The following TSNARE1 variants were observed in gnomAD, a reference collection of about 807,000 sequenced individuals.
TSNARE1 encodes the protein t-SNARE domain containing 1, also known as t-SNARE domain-containing protein 1.
A neutral mutation model predicts 62.0 loss-of-function variants in TSNARE1; 49 were observed. The ratio of observed to expected loss-of-function variants is 0.79; its 90% CI spans 0.63 to 1.00. TSNARE1 has a LOEUF of 1.00. TSNARE1 is among the 50% of genes least tolerant of loss of function. The probability of loss-of-function intolerance (pLI) is 0.00; values close to 1 mark genes in which losing one functional copy is unlikely to be tolerated. For synonymous variants in TSNARE1, 328 were observed against 294.4 expected (o/e 1.11, Z -1.17); for missense variants, 755 against 700.1 (o/e 1.08, Z -0.88).
chr8:142,365,606 A>G (rs945063982), intron 1 of TSNARE1, among the ~76,000 whole-genome samples: 14 of 145,580 alleles, frequency 9.6e-5, no homozygotes, highest in African/African-American at 2.6e-4. Flanking sequence ...GCACACGCAC[A>G]CACACACACA....
At chr8:142,301,989 A>G (rs1375634912) in intron 9 of TSNARE1, among the ~76,000 whole-genome samples, 2 of 152,194 alleles carry the variant, frequency 1.3e-5, no homozygotes, top group Non-Finnish European at 2.9e-5. Context: ...GACAACGAAC[A>G]GTGCCACGTG....
chr8:142,227,380 A>ACACAACAGTGACAGCCAGGACCCCCT (rs1816881519), intron 13 of TSNARE1, among the ~76,000 whole-genome samples: 1 of 88,448 alleles, frequency 1.1e-5, no homozygotes, highest in African/African-American at 7.2e-5. Context: ...CAGGACCCCC[A>ACACAACAGTGACAGCCAGGACCCCCT]TCCTGCCAAT....
At chr8:142,252,084 G>A (rs1241071358) in intron 12 of TSNARE1, among the ~76,000 whole-genome samples, 7 of 139,410 alleles carry the variant, frequency 5.0e-5, no homozygotes, top group East Asian at 2.2e-4. Flanking sequence ...TGTACCCACC[G>A]CTCGCGTTCT....
At position 142,344,132 on chromosome 8, in the gene TSNARE1, G is replaced by A. The variant is rs143794875; in HGVS notation, c.579C>T (p.Ala193=). The A allele has an allele frequency of 1.6e-3, 2,580 of 1,612,668 alleles. 4 individuals are homozygous for A. Among genetic ancestry groups the A allele is most frequent in the Middle Eastern group, 7.4e-3 (45 of 6,054 alleles). The change falls in exon 4 of 14, where the codon GCC becomes GCT. Residue 193 remains alanine, a synonymous_variant. Coordinates refer to ENST00000524325, the MANE Select transcript of TSNARE1 (RefSeq NM_145003.5). The part of the protein sequence containing the change: ...DLKHKWRDLR[A]VVRRKLGDLR... ...GGTCGCCCAGCTTGCGCCGCACGACGGCTCGTAGGTCCCGCCACTTGTGCT... is the reference window on the plus strand; with the variant it reads ...GGTCGCCCAGCTTGCGCCGCACGACAGCTCGTAGGTCCCGCCACTTGTGCT...
intron 9 of TSNARE1, among the ~76,000 whole-genome samples, chr8:142,306,208 C>T (rs1381646755): frequency 6.6e-6 from 1 of 152,218 alleles, no homozygotes; most frequent in Non-Finnish European, 1.5e-5. Flanking sequence ...TTCCCCCAGC[C>T]CCACGTTAAA....
intron 13 of TSNARE1, among the ~76,000 whole-genome samples, chr8:142,213,425 C>T (rs973810296): frequency 1.3e-5 from 2 of 150,842 alleles, no homozygotes; most frequent in Non-Finnish European, 2.9e-5. Context: ...CTGTACTTTT[C>T]CATGATGACT....
At chr8:142,393,997 T>C (rs1044714557) in intron 1 of TSNARE1, among the ~76,000 whole-genome samples, 2 of 152,200 alleles carry the variant, frequency 1.3e-5, no homozygotes, top group African/African-American at 2.4e-5. Flanking sequence ...ACCTGAGGGA[T>C]GTTCATTACG....
At chr8:142,222,924 TCACTCATC>T (rs1563756244) in intron 13 of TSNARE1, among the ~76,000 whole-genome samples, 1 of 76,510 alleles carries the variant, frequency 1.3e-5, no homozygotes, top group Non-Finnish European at 3.6e-5. Flanking sequence ...ATTCACTCAT[TCACTCATC>T]CACTCATTCA....
At chr8:142,288,515 T>G (rs984572702) in intron 10 of TSNARE1, among the ~76,000 whole-genome samples, 5 of 152,214 alleles carry the variant, frequency 3.3e-5, no homozygotes, top group African/African-American at 1.2e-4. Context: ...GCTTCACAGA[T>G]AGCTTGCTCC....
At chr8:142,329,305 G>A (rs896404370) in intron 6 of TSNARE1, among the ~76,000 whole-genome samples, 4 of 152,144 alleles carry the variant, frequency 2.6e-5, no homozygotes, top group African/African-American at 9.7e-5. Context: ...CGGGATACTC[G>A]GTCCTCAGAC....
chr8:142,214,615 C>A (rs780724440), intron 13 of TSNARE1, among the ~76,000 whole-genome samples: 2 of 152,208 alleles, frequency 1.3e-5, no homozygotes, highest in Non-Finnish European at 2.9e-5. Flanking sequence ...AAATCACAAC[C>A]AGCCTCATTC....
chr8:142,311,561 T>C (rs1317710469), intron 9 of TSNARE1, among the ~76,000 whole-genome samples: 1 of 152,142 alleles, frequency 6.6e-6, no homozygotes, highest in African/African-American at 2.4e-5. Flanking sequence ...CCTCCCAAAG[T>C]GCTGGGATAC....
At chr8:142,264,952 T>C (rs753678493) in intron 12 of TSNARE1, among the ~76,000 whole-genome samples, 1 of 152,240 alleles carries the variant, frequency 6.6e-6, no homozygotes, top group African/African-American at 2.4e-5. Context: ...TTTTCTTCTG[T>C]GTTATCTGCT....
At chr8:142,276,154 G>C (rs1457803088) in intron 11 of TSNARE1, 2 of 985,336 alleles carry the variant, frequency 2.0e-6, no homozygotes, top group African/African-American at 3.5e-5. Flanking sequence ...CCTAGCCAGG[G>C]AGGGGAGAGC....
In TSNARE1 at chr8:142,271,180, C is replaced by G. The variant is rs1335742641; in HGVS notation, c.1446+3601G>C. On this transcript the variant is annotated intron_variant, in intron 12 of 13. Transcript: ENST00000524325. ...GGCTGTCCTGGGAGCCTCCAGCAGGCCCCTGGGCCACTCCACTGGCAGGAC... is the reference window on the plus strand; with the variant it reads ...GGCTGTCCTGGGAGCCTCCAGCAGGGCCCTGGGCCACTCCACTGGCAGGAC... The G allele has an allele frequency of 7.1e-6, 7 of 990,878 alleles. No homozygotes were observed. In the African/African-American group the frequency reaches 1.2e-4, roughly 17 times the overall value. 61.4% of individuals were successfully genotyped at this position (990,878 alleles called of 1,614,324 possible).
chr8:142,350,055 A>AGGCAGGGTG, intron 2 of TSNARE1, among the ~76,000 whole-genome samples: 2 of 124,818 alleles, frequency 1.6e-5, no homozygotes, highest in African/African-American at 6.5e-5. Flanking sequence ...GGACCAGGGC[A>AGGCAGGGTG]GGCAGGGCTG....
At chr8:142,221,872 C>CTCACTCACTCATCCACTCAT (rs1816265530) in intron 13 of TSNARE1, among the ~76,000 whole-genome samples, 1 of 105,132 alleles carries the variant, frequency 9.5e-6, no homozygotes, top group South Asian at 3.4e-4. Flanking sequence ...CACTCATTCA[C>CTCACTCACTCATCCACTCAT]TCACTCACTC....
chr8:142,383,513 A>T (rs571266716), intron 1 of TSNARE1, among the ~76,000 whole-genome samples: 5 of 152,126 alleles, frequency 3.3e-5, no homozygotes, highest in African/African-American at 1.2e-4. Context: ...AGAGCCACAG[A>T]CGGCAAGCTG....
chr8:142,225,607 G>A (rs943272655), intron 13 of TSNARE1, among the ~76,000 whole-genome samples: 3 of 152,178 alleles, frequency 2.0e-5, no homozygotes, highest in African/African-American at 7.2e-5. Context: ...CCACACCTCA[G>A]AGCAGCTCCA....
Sources: gnomAD v4.1 joint callset for allele counts (sites outside exome capture counted in the v4.1 genomes callset) on GRCh38, gnomAD v4.1.1 for gene constraint, MANE v1.5 for transcripts, NCBI Gene and HGNC (gene_info 2026-07-23, HGNC 2026-07-21) for gene names.